Variants in KDM6A observed in about 807,000 individuals in gnomAD.
KDM6A encodes the protein lysine demethylase 6A, also known as lysine-specific demethylase 6A.
KDM6A carries 11 observed loss-of-function variants against 117.6 expected under a neutral mutation model. The observed-to-expected ratio is 0.09, with a 90% CI of 0.06 to 0.15. The LOEUF (loss-of-function observed/expected upper bound fraction) is 0.15. Ranked by LOEUF, KDM6A falls within the 10% of genes least tolerant of loss-of-function variation. KDM6A has a pLI of 1.00. For synonymous variants in KDM6A, 384 were observed against 396.1 expected, an observed-to-expected ratio of 0.97 and a Z score of 0.36; for missense variants, 799 against 1,077.3, an observed-to-expected ratio of 0.74 and a Z score of 3.62.
Position 45,069,525 on chromosome X carries a change from G to A in KDM6A, c.2080-54G>A, listed in dbSNP as rs754369740. ...TTTTCTCTTTAATATTTTAAATTCT[G>A]TATATTCTGAGTTTGCTTAATATTA... On this transcript the variant is annotated intron_variant, in intron 17 of 29. Coordinates refer to ENST00000611820, the MANE Select transcript of KDM6A (RefSeq NM_001291415.2). The A allele has an allele frequency of 3.8e-3, 3,846 of 1,013,617 alleles. 8 individuals carry two copies. Among genetic ancestry groups the A allele is most frequent in the Non-Finnish European group, 4.8e-3 (3,518 of 726,176 alleles). The allele number at this position is 1,013,617 out of a possible 1,213,427, so 83.5% of individuals were successfully genotyped here.
intron 8 of KDM6A, among the ~76,000 whole-genome samples, chrX:45,039,529 T>TTTA (rs1491173649): frequency 2.3e-5 from 2 of 85,395 alleles, no homozygotes; most frequent in African/African-American, 9.6e-5. Context: ...TTTTTTTTTT[T>TTTA]ATTGATCATT....
chrX:45,046,217 A>G (rs2043531264), intron 8 of KDM6A, among the ~76,000 whole-genome samples: 1 of 112,005 alleles, frequency 8.9e-6, no homozygotes, highest in Non-Finnish European at 1.9e-5. Context: ...TTATCACCAT[A>G]GATTCTGAAA....
Position 44,873,396 on chromosome X carries a change from C to A in KDM6A, c.-156C>A. On this transcript the variant is annotated 5_prime_UTR_variant, in exon 1 of 30. Transcript: ENST00000611820. ...CCGCCGCCGCCGCCGCCTTCACCGC[C>A]GCCGCGTTGGGATTTTTCGTCGCCG... 1 of 804,024 alleles carries A rather than the reference C, an allele frequency of 1.2e-6. No homozygotes were observed. The highest frequency in any genetic ancestry group is 1.7e-6 in the Non-Finnish European group (1 of 572,369). The allele number at this position is 804,024 out of a possible 1,213,427, so 66.3% of individuals were successfully genotyped here. A position where few individuals can be genotyped will look rare whatever the true frequency, so the allele number is the denominator to read the frequency against.
intron 6 of KDM6A, among the ~76,000 whole-genome samples, chrX:45,026,664 T>TAAAAAA (rs35015536): frequency 1.2e-5 from 1 of 84,672 alleles, no homozygotes; most frequent in Non-Finnish European, 2.4e-5. Context: ...CCGTCTCTAC[T>TAAAAAA]AAAAAAAAAA....
intron 5 of KDM6A, among the ~76,000 whole-genome samples, chrX:45,019,846 G>A (rs1379974039): frequency 9.0e-6 from 1 of 111,672 alleles, no homozygotes; most frequent in Admixed American, 9.6e-5. Context: ...ATATAATAAT[G>A]TATTCAATGA....
intron 3 of KDM6A, among the ~76,000 whole-genome samples, chrX:44,966,884 T>G (rs1473765470): frequency 9.5e-6 from 1 of 104,972 alleles, no homozygotes; most frequent in Non-Finnish European, 2.0e-5. Context: ...TTTTTTTTTT[T>G]TTTGAGACAG....
chrX:44,985,393 C>T (rs1355507742), intron 4 of KDM6A, among the ~76,000 whole-genome samples: 1 of 111,218 alleles, frequency 9.0e-6, no homozygotes, highest in Non-Finnish European at 1.9e-5. Flanking sequence ...AGTTTGAATA[C>T]CCTTTATTTC....
chrX:45,108,888 A>G (rs2046636191), intron 28 of KDM6A, among the ~76,000 whole-genome samples: 1 of 99,822 alleles, frequency 1.0e-5, no homozygotes, highest in African/African-American at 3.7e-5. Context: ...CAAACACCGC[A>G]CATTCTCACT....
intron 29 of KDM6A, 147 bp from the exon 30 acceptor site, chrX:45,111,235 A>G (rs1275668522): frequency 2.0e-6 from 1 of 488,894 alleles, no homozygotes; most frequent in African/African-American, 2.3e-5. Context: ...GGAGATAGTA[A>G]GGTAGGCTGT....
At chrX:45,030,362 C>G (rs932767307) in intron 6 of KDM6A, among the ~76,000 whole-genome samples, 7 of 92,533 alleles carry the variant, frequency 7.6e-5, no homozygotes, top group African/African-American at 2.9e-4. Context: ...AAAAAAGAAG[C>G]CTCTTTTTTG....
chrX:44,878,725 G>T (rs775012314), intron 2 of KDM6A, among the ~76,000 whole-genome samples: 11 of 103,367 alleles, frequency 1.1e-4, no homozygotes, highest in Admixed American at 1.0e-3. Context: ...GATACTTTTT[G>T]TTTTTTTTTT....
rs769345160 is a variant in KDM6A at position 45,070,338 on chromosome X, G to A, written c.2839G>A (p.Glu947Lys). The A allele has an allele frequency of 8.3e-7, 1 of 1,209,991 alleles. No individual in the cohort carries two copies. Among genetic ancestry groups the A allele is most frequent in the Non-Finnish European group, 1.1e-6 (1 of 894,015 alleles). ...MSVSIYPSSA[E>K]VLKACRNLGK... ...TGTGTCCATATACCCCAGCTCAGCA[G>A]AAGTTCTGAAGGCATGCAGGTTAGT... The change falls in exon 18 of 30, where the codon GAA becomes AAA. Residue 947 changes from glutamate to lysine, a missense_variant. Coordinates refer to ENST00000611820, the MANE Select transcript of KDM6A (RefSeq NM_001291415.2).
At chrX:44,921,061 G>A (rs767474291) in intron 2 of KDM6A, among the ~76,000 whole-genome samples, 58 of 109,128 alleles carry the variant, frequency 5.3e-4, no homozygotes, top group African/African-American at 1.0e-3. Flanking sequence ...TTTTAGTAGA[G>A]ACAGGGTTTC....
chrX:44,981,531 G>T (rs1349729768), intron 4 of KDM6A, among the ~76,000 whole-genome samples: 1 of 111,562 alleles, frequency 9.0e-6, no homozygotes, highest in East Asian at 2.8e-4. Context: ...TTTTATGGAG[G>T]CATTATTATG....
At chrX:45,103,234 G>T (rs758537457) in intron 27 of KDM6A, among the ~76,000 whole-genome samples, 4 of 110,603 alleles carry the variant, frequency 3.6e-5, no homozygotes, top group Non-Finnish European at 7.6e-5. Context: ...GTTACTTCCT[G>T]CCCCAGAAAC....
At chrX:45,059,172 C>T in intron 11 of KDM6A, 68 bp downstream of exon 11, 1 of 1,173,163 alleles carries the variant, frequency 8.5e-7, no homozygotes, top group Non-Finnish European at 1.2e-6. Flanking sequence ...ACATATAGTA[C>T]TTCATAGTTT....
At chrX:45,084,872 C>T (rs1384459942) in intron 24 of KDM6A, among the ~76,000 whole-genome samples, 2 of 111,665 alleles carry the variant, frequency 1.8e-5, no homozygotes, top group East Asian at 5.6e-4. Context: ...AGGCTTGAGC[C>T]ACCACACCTG....
chrX:45,089,634 A>G (rs2045806349), intron 25 of KDM6A, 109 bp from the exon 26 acceptor site: 1 of 563,964 alleles, frequency 1.8e-6, no homozygotes, highest in Non-Finnish European at 3.0e-6. Context: ...ATTATGTTTC[A>G]ATAAAATGAA....
At chrX:45,004,726 G>T (rs1206223359) in intron 4 of KDM6A, among the ~76,000 whole-genome samples, 2 of 111,326 alleles carry the variant, frequency 1.8e-5, no homozygotes, top group African/African-American at 6.6e-5. Context: ...CTGTTGATCT[G>T]CTTTGTTATT....
Sources: allele counts gnomAD v4.1 joint callset (sites outside exome capture counted in the v4.1 genomes callset), GRCh38; gene constraint gnomAD v4.1.1; transcripts MANE v1.5; gene names NCBI Gene and HGNC (gene_info 2026-07-23, HGNC 2026-07-21).